Variants in METAP2 observed in about 807,000 individuals in gnomAD.
METAP2 encodes methionyl aminopeptidase 2, also known as methionine aminopeptidase 2.
A neutral mutation model predicts 59.4 loss-of-function variants in METAP2; 25 were observed. The observed-to-expected ratio is 0.42, with a 90% CI of 0.31 to 0.59. The LOEUF (loss-of-function observed/expected upper bound fraction) is 0.59, where lower values mean the gene tolerates loss of function less well. Among genes scored for constraint, METAP2 ranks in the 20% least tolerant of loss-of-function variants. The pLI is 0.16. For missense variants in METAP2, 366 were observed against 581.2 expected, an observed-to-expected ratio of 0.63 and a Z score of 3.81; for synonymous variants, 214 against 194.1, an observed-to-expected ratio of 1.10 and a Z score of -0.85.
intron 7 of METAP2, among the ~76,000 whole-genome samples, chr12:95,501,041 C>G (rs1309133571): frequency 8.2e-6 from 1 of 122,384 alleles, no homozygotes; most frequent in South Asian, 2.7e-4. Flanking sequence ...TGAGACAGGT[C>G]TCCCTTGTTA....
chr12:95,503,924 C>T, intron 7 of METAP2, 141 bp from the exon 8 acceptor site: 1 of 628,070 alleles, frequency 1.6e-6, no homozygotes, highest in Non-Finnish European at 2.8e-6. Context: ...TCCCATAATC[C>T]TCTGCAAAGT....
intron 7 of METAP2, among the ~76,000 whole-genome samples, chr12:95,502,436 A>G (rs1425830819): frequency 1.3e-5 from 2 of 152,172 alleles, no homozygotes; most frequent in African/African-American, 2.4e-5. Flanking sequence ...CTAGTTTGAA[A>G]TGTGCTTGAA....
intron 4 of METAP2, among the ~76,000 whole-genome samples, chr12:95,492,152 G>GTGTGTA (rs778238237): frequency 6.6e-6 from 1 of 151,664 alleles, no homozygotes; most frequent in Non-Finnish European, 1.5e-5. Context: ...GTGTGTGTGT[G>GTGTGTA]TGTATGTATA....
intron 7 of METAP2, among the ~76,000 whole-genome samples, chr12:95,499,194 C>T (rs775446907): frequency 2.6e-5 from 4 of 151,988 alleles, no homozygotes; most frequent in Admixed American, 6.6e-5. Flanking sequence ...CAAGCTGGAG[C>T]GCAGTGGTGT....
intron 4 of METAP2, among the ~76,000 whole-genome samples, chr12:95,488,391 C>A (rs2076212871): frequency 6.6e-6 from 1 of 151,558 alleles, no homozygotes; most frequent in Admixed American, 6.6e-5. Context: ...TGCCTGTAAT[C>A]CCAGCTACTC....
In METAP2 at chr12:95,514,025, A is replaced by G. The variant is rs1048408974; in HGVS notation, c.*121A>G. The G allele has an allele frequency of 6.8e-6, 8 of 1,168,984 alleles. No individual in the cohort carries two copies. Among genetic ancestry groups the G allele is most frequent in the African/African-American group, 4.7e-5 (3 of 63,594 alleles). 72.4% of individuals were successfully genotyped at this position (1,168,984 alleles called of 1,614,324 possible). On this transcript the variant is annotated 3_prime_UTR_variant, in exon 11 of 11. Coordinates refer to ENST00000323666, the MANE Select transcript of METAP2 (RefSeq NM_006838.4). ...GTGGACCCATGTAATACTTTTATCC[A>G]TGTTTAAAAAAGAAGGAATTTGGAC...
At chr12:95,506,604 A>G (rs1012726590) in intron 8 of METAP2, among the ~76,000 whole-genome samples, 1 of 151,630 alleles carries the variant, frequency 6.6e-6, no homozygotes, top group Non-Finnish European at 1.5e-5. Context: ...CAGCCTATAT[A>G]TGTTTTTTGA....
chr12:95,493,131 AGTTAAT>A (rs1016911313), intron 4 of METAP2, among the ~76,000 whole-genome samples: 2 of 152,040 alleles, frequency 1.3e-5, no homozygotes, highest in Admixed American at 1.3e-4. Context: ...ATTTTAAGGC[AGTTAAT>A]GTTTTTCCTA....
intron 2 of METAP2, among the ~76,000 whole-genome samples, chr12:95,479,855 C>T (rs930512848): frequency 5.3e-5 from 8 of 152,286 alleles, no homozygotes; most frequent in East Asian, 1.9e-4. Flanking sequence ...GTGATCCGCC[C>T]GCCTCAGCCT....
At chr12:95,476,772 GTTGT>G (rs1187046682) in intron 2 of METAP2, among the ~76,000 whole-genome samples, 2 of 152,108 alleles carry the variant, frequency 1.3e-5, no homozygotes, top group African/African-American at 4.8e-5. Flanking sequence ...AGATTGAGGG[GTTGT>G]TTATTTAACT....
chr12:95,511,389 GTTTTTTTTTTTTT>G (rs11301070), intron 8 of METAP2, among the ~76,000 whole-genome samples: 1 of 61,118 alleles, frequency 1.6e-5, no homozygotes, highest in African/African-American at 6.5e-5. Flanking sequence ...TTCTAGCACC[GTTTTTTTTTTTTT>G]TTTTTTTTTT....
intron 8 of METAP2, 83 bp downstream of exon 8, chr12:95,504,244 T>C: frequency 2.3e-6 from 2 of 880,888 alleles, no homozygotes; most frequent in South Asian, 3.2e-5. Context: ...AGCTGCTTCA[T>C]GTTTCTATCT....
intron 2 of METAP2, among the ~76,000 whole-genome samples, chr12:95,479,613 C>CTTT (rs58065707): frequency 1.4e-5 from 2 of 143,148 alleles, no homozygotes; most frequent in African/African-American, 5.1e-5. Context: ...AGTCACCACT[C>CTTT]TTTTTTTTTT....
chr12:95,481,998 G>T, intron 2 of METAP2: 1 of 303,874 alleles, frequency 3.3e-6, no homozygotes, highest in Non-Finnish European at 6.7e-6. Flanking sequence ...GAAGGTTACT[G>T]TTAACGTTAC....
rs1221467069 is a variant in METAP2 at position 95,494,083 on chromosome 12, T to A, written c.456T>A (p.Ser152Arg). The A allele has an allele frequency of 1.2e-6, 2 of 1,613,652 alleles. No individual in the cohort carries two copies. Among genetic ancestry groups the A allele is most frequent in the African/African-American group, 2.7e-5 (2 of 74,856 alleles). Reference sequence around the variant, plus strand: ...GAACAGCTGCTTGGAGAACTACAAGTGAAGAAAAGAAAGCATTAGATCAGG... The same window carrying A: ...GAACAGCTGCTTGGAGAACTACAAGAGAAGAAAAGAAAGCATTAGATCAGG... ...DGRTAAWRTT[S>R]EEKKALDQAS... Residue 152 changes from serine to arginine, a missense_variant, in exon 5 of 11, where the codon AGT becomes AGA. By Grantham distance (110) the Ser-to-Arg change is moderately radical (BLOSUM62 -1). Coordinates refer to ENST00000323666, the MANE Select transcript of METAP2 (RefSeq NM_006838.4).
chr12:95,499,726 A>T (rs2076301571), intron 7 of METAP2, among the ~76,000 whole-genome samples: 1 of 152,112 alleles, frequency 6.6e-6, no homozygotes. Context: ...TGCTATAAAG[A>T]AATACCTGAG....
intron 7 of METAP2, among the ~76,000 whole-genome samples, chr12:95,496,372 G>A (rs1184214282): frequency 1.3e-5 from 2 of 152,124 alleles, no homozygotes; most frequent in Admixed American, 1.3e-4. Flanking sequence ...TCAGTTGGCA[G>A]TGGTTTTTTT....
At chr12:95,484,541 C>G (rs301037) in intron 3 of METAP2, among the ~76,000 whole-genome samples, 16,492 of 151,494 alleles carry the variant, frequency 0.11, 960 homozygotes, top group African/African-American at 0.12. Context: ...AAATTGCTCC[C>G]TTCTGAAGGC....
At chr12:95,477,083 C>T (rs76805120) in intron 2 of METAP2, among the ~76,000 whole-genome samples, 3,897 of 151,972 alleles carry the variant, frequency 0.026, 147 homozygotes, top group African/African-American at 0.088. Context: ...CCTGACTGCA[C>T]GTTTGTTCCT....
Sources: gnomAD v4.1 joint callset for allele counts (sites outside exome capture counted in the v4.1 genomes callset) on GRCh38, gnomAD v4.1.1 for gene constraint, MANE v1.5 for transcripts, NCBI Gene and HGNC (gene_info 2026-07-23, HGNC 2026-07-21) for gene names.